PRKN: variants seen among roughly 807,000 people sequenced by gnomAD.
The protein encoded by PRKN is E3 ubiquitin-protein ligase parkin.
In PRKN, 56 loss-of-function variants were observed where a neutral mutation model predicts 59.5. The ratio of observed to expected loss-of-function variants is 0.94; its 90% CI spans 0.76 to 1.18. PRKN has a LOEUF of 1.18. Among genes scored for constraint, PRKN ranks in the 50% most tolerant of loss-of-function variants. The pLI is 0.00. For synonymous variants in PRKN, 250 were observed against 222.1 expected, an observed-to-expected ratio of 1.13 and a Z score of -1.12; for missense variants, 657 against 596.4, an observed-to-expected ratio of 1.10 and a Z score of -1.06.
Position 161,352,771 on chromosome 6 carries a change from A to ATATATATATATT in PRKN, c.1286-2561_1286-2560insAATATATATATA, listed in dbSNP as rs34279714. ...TGTGTGTGTGTATATATATATATAT[A>ATATATATATATT]TTTTATTTTATTTTATTTTATTTTT... On this transcript the variant is annotated intron_variant, in intron 11 of 11. Transcript: ENST00000366898. The surrounding 1 kb of genome is among the most constrained non-coding windows in gnomAD (Gnocchi z 5.8). Among the ~76,000 whole-genome samples the ATATATATATATT allele has an allele frequency of 0.03, 3,484 of 116,778 alleles. 48 individuals are homozygous for ATATATATATATT. The highest frequency in any genetic ancestry group is 0.048 in the Non-Finnish European group (2,413 of 50,416). 76.6% of individuals were successfully genotyped at this position (116,778 alleles called of 152,430 possible). A position where few individuals can be genotyped will look rare whatever the true frequency, so the allele number is the denominator to read the frequency against.
In PRKN at chr6:161,733,781, A is replaced by ATATATATATATATATGTATATATAT. The variant is rs1380552060; in HGVS notation, c.871+51990_871+51991insATATATATACATATATATATATATA. 4.1e-5 allele frequency among the ~76,000 whole-genome samples: 3 copies of ATATATATATATATATGTATATATAT among 74,066 alleles called. No individual in the cohort carries two copies. In the Admixed American group the frequency reaches 4.9e-4, roughly 12 times the overall value. 48.6% of individuals were successfully genotyped at this position (74,066 alleles called of 152,430 possible). A position where few individuals can be genotyped will look rare whatever the true frequency, so the allele number is the denominator to read the frequency against. ...AATTCCCAGGGGGTGAAAAAAAAAA[A>ATATATATATATATATGTATATATAT]AAATATATATATATATGTATATATA... On this transcript the variant is annotated intron_variant, in intron 7 of 11. Coordinates refer to ENST00000366898, the MANE Select transcript of PRKN (RefSeq NM_004562.3).
rs1475348916 is a variant in PRKN at position 162,287,422 on chromosome 6, G to A, written c.172-24657C>T. Among the ~76,000 whole-genome samples, 3 of 152,082 alleles carry A rather than the reference G, an allele frequency of 2.0e-5. 1 individual carries two copies. Among genetic ancestry groups the A allele is most frequent in the Admixed American group, 2.0e-4 (3 of 15,266 alleles). ...TCTCTACAAAAAAATATAAAAATCA[G>A]CTGGGCATGGTGGCACATGCCTGTG... On this transcript the variant is annotated intron_variant, in intron 2 of 11. Coordinates refer to ENST00000366898, the MANE Select transcript of PRKN (RefSeq NM_004562.3).
At chr6:162,310,658 T>C (rs1407782533) in intron 2 of PRKN, among the ~76,000 whole-genome samples, 2 of 151,990 alleles carry the variant, frequency 1.3e-5, no homozygotes, top group African/African-American at 2.4e-5. Context: ...GATGAGTTAA[T>C]GGGTGCAGCA....
At chr6:162,082,373 A>G (rs1779092157) in intron 4 of PRKN, among the ~76,000 whole-genome samples, 1 of 152,054 alleles carries the variant, frequency 6.6e-6, no homozygotes, top group Non-Finnish European at 1.5e-5. Flanking sequence ...AGTCTCAGGT[A>G]TATCTTTATC....
chr6:161,673,270 G>A (rs113836625), intron 7 of PRKN, among the ~76,000 whole-genome samples: 1,715 of 152,310 alleles, frequency 0.011, 22 homozygotes, highest in Middle Eastern at 0.034. Flanking sequence ...ATAAGTGTGC[G>A]GGGTGGGGGC....
chr6:162,076,675 G>A (rs149043505), intron 4 of PRKN, among the ~76,000 whole-genome samples: 31 of 152,182 alleles, frequency 2.0e-4, no homozygotes, highest in Non-Finnish European at 3.8e-4. Flanking sequence ...ATTCTGAAAC[G>A]TTTTAAGTTT....
chr6:161,672,825 C>T (rs1026202568), intron 7 of PRKN, among the ~76,000 whole-genome samples: 3 of 152,112 alleles, frequency 2.0e-5, no homozygotes, highest in African/African-American at 7.2e-5. Flanking sequence ...TAAGGCCTTT[C>T]CTGTACTAAA....
rs77859705 is a variant in PRKN at position 161,777,514 on chromosome 6, T to A, written c.871+8258A>T. Among the ~76,000 whole-genome samples, 251 of 151,800 alleles carry A rather than the reference T, an allele frequency of 1.7e-3. 3 individuals are homozygous for A. In the East Asian group the frequency reaches 0.044, roughly 26 times the overall value. On this transcript the variant is annotated intron_variant, in intron 7 of 11. Coordinates refer to ENST00000366898, the MANE Select transcript of PRKN (RefSeq NM_004562.3). Reference sequence around the variant, plus strand: ...ACGATGGAAACAGAAAAGAACATCTTATTACACACATCTTGATAGCAAGAG... The same window carrying A: ...ACGATGGAAACAGAAAAGAACATCTAATTACACACATCTTGATAGCAAGAG...
At chr6:161,705,916 T>C (rs1439403801) in intron 7 of PRKN, among the ~76,000 whole-genome samples, 1 of 152,126 alleles carries the variant, frequency 6.6e-6, no homozygotes, top group African/African-American at 2.4e-5. Context: ...ACCGTGTCAT[T>C]ATTAAAACTC....
chr6:162,486,126 C>T (rs574244838), intron 1 of PRKN, among the ~76,000 whole-genome samples: 2 of 152,204 alleles, frequency 1.3e-5, no homozygotes, highest in Non-Finnish European at 2.9e-5. Context: ...TCCACCCAAC[C>T]CCCTCCTAAT....
Position 162,048,289 on chromosome 6 carries a change from A to C in PRKN, c.618+5802T>G, listed in dbSNP as rs533652292. ...CTTGGTCATTTATTACTTTAAAGAG[A>C]TCACTTAAATTTTCTTTCTTTTTTA... On this transcript the variant is annotated intron_variant, in intron 5 of 11. Transcript: ENST00000366898. Among the ~76,000 whole-genome samples the C allele has an allele frequency of 2.4e-4, 36 of 152,284 alleles. No individual in the cohort carries two copies. The South Asian group carries it at 6.2e-3, about 26-fold the overall frequency.
chr6:162,449,880 A>G (rs924980272), intron 1 of PRKN, among the ~76,000 whole-genome samples: 2 of 152,204 alleles, frequency 1.3e-5, no homozygotes, highest in African/African-American at 4.8e-5. Context: ...AACAAAAAAA[A>G]TGAAGATTTC....
At chr6:162,069,169 G>T (rs988783926) in intron 4 of PRKN, among the ~76,000 whole-genome samples, 15 of 152,092 alleles carry the variant, frequency 9.9e-5, no homozygotes, top group Non-Finnish European at 8.8e-5. Context: ...CTAGAAGGAG[G>T]TAATAGAATC....
At chr6:161,776,818 C>T (rs1265182518) in intron 7 of PRKN, among the ~76,000 whole-genome samples, 1 of 152,182 alleles carries the variant, frequency 6.6e-6, no homozygotes, top group Non-Finnish European at 1.5e-5. Context: ...CTTTCCTCCT[C>T]CTAACTCTGT....
At chr6:161,748,538 C>T (rs141246279) in intron 7 of PRKN, among the ~76,000 whole-genome samples, 153 of 152,232 alleles carry the variant, frequency 1.0e-3, no homozygotes, top group African/African-American at 3.5e-3. Context: ...GGTTCGCCTC[C>T]GACAGCAGAA....
chr6:162,597,640 C>T (rs1781541962), intron 1 of PRKN, among the ~76,000 whole-genome samples: 1 of 152,142 alleles, frequency 6.6e-6, no homozygotes. Context: ...TTTTGAAATG[C>T]ACCCTCCAAT....
intron 2 of PRKN, among the ~76,000 whole-genome samples, chr6:162,273,190 T>C (rs1462639701): frequency 6.6e-6 from 1 of 151,806 alleles, no homozygotes; most frequent in East Asian, 1.9e-4. Flanking sequence ...AAAGGAAACG[T>C]AGAAAGGAAA....
intron 7 of PRKN, among the ~76,000 whole-genome samples, chr6:161,750,667 T>C (rs1414146932): frequency 6.6e-6 from 1 of 151,092 alleles, no homozygotes; most frequent in African/African-American, 2.4e-5. Flanking sequence ...CTAGGGAGGC[T>C]GAGGCAGGAG....
At chr6:161,889,584 G>A (rs190818200) in intron 6 of PRKN, among the ~76,000 whole-genome samples, 37 of 152,322 alleles carry the variant, frequency 2.4e-4, no homozygotes, top group Non-Finnish European at 4.6e-4. Flanking sequence ...GGGAGATGAC[G>A]ACACAGCCAC....
Sources: gnomAD v4.1 joint callset for allele counts (sites outside exome capture counted in the v4.1 genomes callset) on GRCh38, gnomAD v4.1.1 for gene constraint, Gnocchi (gnomAD v3.1) non-coding constraint, MANE v1.5 for transcripts, NCBI Gene and HGNC (gene_info 2026-07-23, HGNC 2026-07-21) for gene names.